The following FBN1 variants were observed in gnomAD, a reference collection of about 807,000 sequenced individuals.
FBN1 encodes fibrillin 1, also known as fibrillin-1.
A neutral mutation model predicts 365.1 loss-of-function variants in FBN1; 29 were observed. The observed-to-expected ratio is 0.08, with a 90% CI of 0.06 to 0.11. The LOEUF is 0.11. FBN1 is among the 10% of genes least tolerant of loss of function. The pLI is 1.00. For missense variants in FBN1, 2,476 were observed against 3,703.2 expected, an observed-to-expected ratio of 0.67 and a Z score of 8.60; for synonymous variants, 1,210 against 1,270.5, an observed-to-expected ratio of 0.95 and a Z score of 1.01.
At chr15:48,479,777 C>T (rs1308196124) in intron 32 of FBN1, among the ~76,000 whole-genome samples, 1 of 152,182 alleles carries the variant, frequency 6.6e-6, no homozygotes, top group African/African-American at 2.4e-5. Flanking sequence ...CTACGAAAAA[C>T]AAGCCTTTCA....
At chr15:48,492,031 C>T (rs2043564127) in intron 24 of FBN1, among the ~76,000 whole-genome samples, 1 of 152,188 alleles carries the variant, frequency 6.6e-6, no homozygotes, top group African/African-American at 2.4e-5. Flanking sequence ...CTCAGGTTCA[C>T]TTTTCAGGGG....
At chr15:48,471,843 G>C (rs981327496) in intron 35 of FBN1, among the ~76,000 whole-genome samples, 1 of 152,202 alleles carries the variant, frequency 6.6e-6, no homozygotes, top group Non-Finnish European at 1.5e-5. Context: ...TGACAAATGT[G>C]GGTAAAGGGA....
intron 32 of FBN1, among the ~76,000 whole-genome samples, chr15:48,475,878 C>T (rs1319621344): frequency 1.3e-5 from 2 of 152,174 alleles, no homozygotes; most frequent in African/African-American, 4.8e-5. Flanking sequence ...ATTGCTCCTA[C>T]AAAAGAACTT....
In FBN1 at chr15:48,508,439, A is replaced by C; in HGVS notation, c.1837+143T>G. On this transcript the variant is annotated intron_variant, in intron 15 of 65. Coordinates refer to ENST00000316623, the MANE Select transcript of FBN1 (RefSeq NM_000138.5). Reference sequence around the variant, plus strand: ...AGCTCTTTGGATGGCTGGATTTAAGAAGGAGTTTCAGTCAGGTTTCCCAAA... The same window carrying C: ...AGCTCTTTGGATGGCTGGATTTAAGCAGGAGTTTCAGTCAGGTTTCCCAAA... The C allele has an allele frequency of 9.5e-6, 9 of 948,758 alleles. No homozygotes were observed. In the South Asian group the frequency reaches 1.3e-4, roughly 13 times the overall value. 58.8% of individuals were successfully genotyped at this position (948,758 alleles called of 1,614,324 possible).
At chr15:48,563,510 C>A (rs1422278497) in intron 6 of FBN1, among the ~76,000 whole-genome samples, 4 of 152,146 alleles carry the variant, frequency 2.6e-5, no homozygotes, top group East Asian at 1.9e-4. Context: ...TGAACCACTG[C>A]AAAGCTACCA....
chr15:48,639,839 T>C (rs1288046905), intron 2 of FBN1, among the ~76,000 whole-genome samples: 1 of 152,150 alleles, frequency 6.6e-6, no homozygotes, highest in African/African-American at 2.4e-5. Context: ...AAGAAATTGT[T>C]AAAAGAATGT....
At chr15:48,640,829 G>A (rs1256326787) in intron 2 of FBN1, among the ~76,000 whole-genome samples, 3 of 151,992 alleles carry the variant, frequency 2.0e-5, no homozygotes, top group Admixed American at 6.6e-5. Context: ...TCCTTACTTG[G>A]GAGCTAAAGC....
At chr15:48,445,346 T>C (rs996420753) in intron 48 of FBN1, 30 bp downstream of exon 48, 1 of 1,610,606 alleles carries the variant, frequency 6.2e-7, no homozygotes, top group Non-Finnish European at 8.5e-7. Context: ...GGAAGCATTC[T>C]TTCCAGGTCT....
intron 44 of FBN1, among the ~76,000 whole-genome samples, chr15:48,455,759 A>G (rs964175356): frequency 6.6e-6 from 1 of 152,246 alleles, no homozygotes; most frequent in African/African-American, 2.4e-5. Context: ...AAGCCTGGTG[A>G]CAGGAACTTA....
rs567663515 is a variant in FBN1 at position 48,443,242 on chromosome 15, CT to C, written c.6037+1298del. On this transcript the variant is annotated intron_variant, in intron 49 of 65. Coordinates refer to ENST00000316623, the MANE Select transcript of FBN1 (RefSeq NM_000138.5). The stretch of plus-strand genomic sequence containing the variant: ...CTCCATTCTGACACTCCTTCCACCC[CT>C]ATATCCAACCTTTTCTTAATATAAA... Among the ~76,000 whole-genome samples the C allele has an allele frequency of 5.2e-3, 787 of 152,274 alleles. 6 individuals are homozygous for C. Among genetic ancestry groups the C allele is most frequent in the Non-Finnish European group, 6.5e-3 (442 of 68,018 alleles).
At position 48,622,966 on chromosome 15, in the gene FBN1, T is replaced by G. The variant is rs189930607; in HGVS notation, c.165-9874A>C. 3.3e-5 allele frequency among the ~76,000 whole-genome samples: 5 copies of G among 152,308 alleles called. 1 individual carries two copies. The highest frequency in any genetic ancestry group is 7.3e-5 in the Non-Finnish European group (5 of 68,030). On this transcript the variant is annotated intron_variant, in intron 2 of 65. Coordinates refer to ENST00000316623, the MANE Select transcript of FBN1 (RefSeq NM_000138.5). ...CACTACAAACACAATTCCAGACATA[T>G]CTTCAAAAACCTACATAGGCTATAC... is the stretch of plus-strand genomic sequence containing the variant.
chr15:48,446,497 T>G (rs1245776575), intron 47 of FBN1, among the ~76,000 whole-genome samples: 1 of 152,162 alleles, frequency 6.6e-6, no homozygotes, highest in Non-Finnish European at 1.5e-5. Flanking sequence ...CTGCTGGGGG[T>G]CTCAGAATGT....
At chr15:48,522,489 A>G (rs1198947576) in intron 9 of FBN1, among the ~76,000 whole-genome samples, 1 of 152,196 alleles carries the variant, frequency 6.6e-6, no homozygotes, top group Non-Finnish European at 1.5e-5. Context: ...ACTGATTTAA[A>G]GGAATATAAG....
At chr15:48,600,572 C>T (rs1336188973) in intron 4 of FBN1, among the ~76,000 whole-genome samples, 5 of 152,238 alleles carry the variant, frequency 3.3e-5, no homozygotes, top group Admixed American at 1.3e-4. Flanking sequence ...GGCGTAATGG[C>T]GCATGCCTGT....
At position 48,609,110 on chromosome 15, in the gene FBN1, T is replaced by C. The variant is rs147027125; in HGVS notation, c.346+1618A>G. 3.5e-4 allele frequency among the ~76,000 whole-genome samples: 54 copies of C among 152,350 alleles called. 1 individual carries two copies. The East Asian group carries it at 0.01, about 29-fold the overall frequency. On this transcript the variant is annotated intron_variant, in intron 4 of 65. Transcript: ENST00000316623. Reference sequence around the variant, plus strand: ...AGCGGCAGCCTGGAAGTCACCCTTATAGAGACGGAGATGTCCCGCATGTTC... The same window carrying C: ...AGCGGCAGCCTGGAAGTCACCCTTACAGAGACGGAGATGTCCCGCATGTTC...
intron 42 of FBN1, 60 bp from the exon 43 acceptor site, chr15:48,460,377 G>A: frequency 4.9e-6 from 5 of 1,028,184 alleles, no homozygotes; most frequent in Non-Finnish European, 7.7e-6. Flanking sequence ...ACAATAATTG[G>A]ACTGAAAAAA....
intron 42 of FBN1, among the ~76,000 whole-genome samples, chr15:48,461,524 T>G (rs1475799597): frequency 6.6e-6 from 1 of 152,182 alleles, no homozygotes; most frequent in Non-Finnish European, 1.5e-5. Flanking sequence ...AATAAATGTA[T>G]TTTTCAATAT....
rs777260622 is a variant in FBN1, at chr15:48,468,055, T to G, written c.4630A>C (p.Asn1544His). 6.2e-7 allele frequency: 1 copy of G among 1,614,182 alleles called. No homozygotes were observed. The highest frequency in any genetic ancestry group is 1.1e-5 in the South Asian group (1 of 91,080). ...CYLDIRPRGD[N>H]GDTACSNEIG... The stretch of plus-strand genomic sequence containing the variant: ...TCATTGCTGCAGGCTGTATCTCCAT[T>G]GTCTCCTCGAGGTCGAATATCCAAA... Residue 1544 changes from asparagine (N) to histidine (H), a missense_variant, in exon 38 of 66, where the codon AAT becomes CAT. By Grantham distance (68) the Asn-to-His change is moderately conservative. Coordinates refer to ENST00000316623, the MANE Select transcript of FBN1 (RefSeq NM_000138.5).
At chr15:48,495,315 C>T (rs2043597251) in intron 21 of FBN1, 55 bp from the exon 22 acceptor site, 2 of 1,603,128 alleles carry the variant, frequency 1.2e-6, no homozygotes, top group African/African-American at 2.7e-5. Context: ...CAAACATACA[C>T]CTTGGAATTA....
Sources: allele counts gnomAD v4.1 joint callset (sites outside exome capture counted in the v4.1 genomes callset), GRCh38; gene constraint gnomAD v4.1.1; transcripts MANE v1.5; gene names NCBI Gene and HGNC (gene_info 2026-07-23, HGNC 2026-07-21).